Variants in MCCC1 observed in about 807,000 individuals in gnomAD.
MCCC1 encodes methylcrotonyl-CoA carboxylase subunit 1, also known as methylcrotonoyl-CoA carboxylase subunit alpha, mitochondrial.
In MCCC1, 64 loss-of-function variants were observed where a neutral mutation model predicts 83.8. That is an observed-to-expected ratio of 0.76 (90% CI 0.62 to 0.94). The LOEUF is 0.94. Among genes scored for constraint, MCCC1 ranks in the 40% least tolerant of loss-of-function variants. MCCC1 has a pLI of 0.00. For synonymous variants in MCCC1, 322 were observed against 315.4 expected, an observed-to-expected ratio of 1.02 and a Z score of -0.22; for missense variants, 807 against 904.7, an observed-to-expected ratio of 0.89 and a Z score of 1.39.
At position 183,037,364 on chromosome 3, in the gene MCCC1, T is replaced by C. The variant is rs1240463437; in HGVS notation, c.1448A>G (p.Asn483Ser). ...TTGAGGGATGAAATCAGTGTGCACG[T>C]TCCCAGCTTCAAACTCTGGGTGGCC... ...LSGHPEFEAG[N>S]VHTDFIPQHH... The change falls in exon 13 of 19, where the codon AAC becomes AGC. Residue 483 changes from asparagine to serine, a missense_variant. Transcript: ENST00000265594. 8.7e-6 allele frequency: 14 copies of C among 1,613,988 alleles called. No individual in the cohort carries two copies. The highest frequency in any genetic ancestry group is 1.2e-5 in the Non-Finnish European group (14 of 1,180,030).
At chr3:183,067,856 G>A (rs1716367214) in intron 7 of MCCC1, among the ~76,000 whole-genome samples, 1 of 152,160 alleles carries the variant, frequency 6.6e-6, no homozygotes, top group Non-Finnish European at 1.5e-5. Context: ...TACTCTTTGT[G>A]TAGAAATGCA....
intron 7 of MCCC1, among the ~76,000 whole-genome samples, chr3:183,068,097 A>T (rs1001499831): frequency 3.3e-5 from 5 of 152,140 alleles, no homozygotes; most frequent in African/African-American, 1.2e-4. Context: ...AACCCTTAGG[A>T]TTAAGCGTGC....
At position 183,052,181 on chromosome 3, in the gene MCCC1, T is replaced by G; in HGVS notation, c.933A>C (p.Lys311Asn). Residue 311 changes from lysine to asparagine, a missense_variant, in exon 9 of 19, where the codon AAA becomes AAC. By Grantham distance (94) the Lys-to-Asn change is moderately conservative. Coordinates refer to ENST00000265594, the MANE Select transcript of MCCC1 (RefSeq NM_020166.5). The stretch of plus-strand genomic sequence containing the variant: ...TACCTGCTCCAACATAATTTACAGC[T>G]TTAGCAGCTCTGACTGCAGCTTCTC... ...KLGEAAVRAAKAVNYVGAGTV... is the reference protein window; with the variant it reads ...KLGEAAVRAANAVNYVGAGTV... 4 of 1,614,142 alleles carry G rather than the reference T, an allele frequency of 2.5e-6. No individual in the cohort carries two copies. The highest frequency in any genetic ancestry group is 3.4e-6 in the Non-Finnish European group (4 of 1,180,016).
chr3:183,075,980 G>A (rs1717044543), intron 4 of MCCC1, among the ~76,000 whole-genome samples: 1 of 152,120 alleles, frequency 6.6e-6, no homozygotes, highest in Non-Finnish European at 1.5e-5. Flanking sequence ...TATATAAAAT[G>A]GTCAAACATC....
chr3:183,024,020 G>C (rs142973758), intron 15 of MCCC1, among the ~76,000 whole-genome samples: 109 of 152,304 alleles, frequency 7.2e-4, no homozygotes, highest in African/African-American at 2.5e-3. Context: ...GGAGGCCAAG[G>C]TGGGCGGATC....
intron 3 of MCCC1, among the ~76,000 whole-genome samples, chr3:183,087,614 G>A (rs1373613310): frequency 2.6e-5 from 4 of 152,190 alleles, no homozygotes; most frequent in South Asian, 4.2e-4. Context: ...GGTGGCTCAC[G>A]CCTGTAATCC....
intron 13 of MCCC1, among the ~76,000 whole-genome samples, chr3:183,035,713 T>C (rs1160868902): frequency 2.6e-5 from 4 of 152,002 alleles, no homozygotes; most frequent in African/African-American, 9.7e-5. Flanking sequence ...TAATTACCAA[T>C]AAAAGAGAAA....
intron 17 of MCCC1, among the ~76,000 whole-genome samples, chr3:183,018,606 A>T (rs891737589): frequency 6.6e-6 from 1 of 152,162 alleles, no homozygotes; most frequent in South Asian, 2.1e-4. Flanking sequence ...CACCCACAAA[A>T]CCACTTAGTT....
chr3:183,052,752 G>A (rs577042990), intron 8 of MCCC1, among the ~76,000 whole-genome samples: 1 of 139,932 alleles, frequency 7.1e-6, no homozygotes, highest in East Asian at 2.2e-4. Context: ...GGAGCTTGCA[G>A]TGAGCCGAGA....
intron 4 of MCCC1, among the ~76,000 whole-genome samples, chr3:183,074,840 T>C (rs1362687265): frequency 6.6e-6 from 1 of 152,192 alleles, no homozygotes; most frequent in African/African-American, 2.4e-5. Flanking sequence ...CAGTATTCAA[T>C]AGTTATCTTT....
At chr3:183,086,892 C>T in intron 3 of MCCC1, 104 bp from the exon 4 acceptor site, 2 of 1,021,420 alleles carry the variant, frequency 2.0e-6, no homozygotes, top group Non-Finnish European at 1.5e-6. Context: ...AATAAAAATG[C>T]CACTCCCTCA....
intron 2 of MCCC1, among the ~76,000 whole-genome samples, chr3:183,094,238 C>T (rs576852671): frequency 6.6e-6 from 1 of 151,960 alleles, no homozygotes; most frequent in South Asian, 2.1e-4. Flanking sequence ...TTAGTAGACA[C>T]AGGGTTTTGC....
At chr3:183,032,466 A>C (rs1470553975) in intron 14 of MCCC1, among the ~76,000 whole-genome samples, 1 of 152,240 alleles carries the variant, frequency 6.6e-6, no homozygotes, top group African/African-American at 2.4e-5. Flanking sequence ...AGATGTTTAC[A>C]AATTTTCATT....
At chr3:183,088,210 G>GTGTGT (rs1560275597) in intron 3 of MCCC1, among the ~76,000 whole-genome samples, 1 of 139,646 alleles carries the variant, frequency 7.2e-6, no homozygotes, top group African/African-American at 2.7e-5. Context: ...GTTGTTGTGT[G>GTGTGT]TTTTTTTTTT....
intron 15 of MCCC1, chr3:183,022,807 T>C (rs748615772): frequency 3.1e-5 from 11 of 354,282 alleles, no homozygotes; most frequent in Middle Eastern, 7.9e-4. Context: ...CATAATGCTA[T>C]AGATAAAGGT....
At chr3:183,052,082 G>A in intron 9 of MCCC1, 77 bp downstream of exon 9, 1 of 1,362,188 alleles carries the variant, frequency 7.3e-7, no homozygotes. Context: ...TGATTTAAAA[G>A]TTGTGTTTCT....
At chr3:183,057,771 C>T (rs1188179526) in intron 7 of MCCC1, among the ~76,000 whole-genome samples, 2 of 152,172 alleles carry the variant, frequency 1.3e-5, no homozygotes, top group Non-Finnish European at 2.9e-5. Context: ...ACTCAGGAGG[C>T]TGAGGTAGGA....
chr3:183,077,297 C>T (rs1475577844), intron 4 of MCCC1, among the ~76,000 whole-genome samples: 5 of 152,120 alleles, frequency 3.3e-5, no homozygotes, highest in Admixed American at 2.0e-4. Context: ...CTATGTTTAA[C>T]GTTTTGAGAA....
chr3:183,051,683 G>T (rs1237368635), intron 9 of MCCC1, among the ~76,000 whole-genome samples: 2 of 151,840 alleles, frequency 1.3e-5, no homozygotes, highest in Non-Finnish European at 2.9e-5. Context: ...TGATAATGAT[G>T]TGTCAATGTA....
Sources: gnomAD v4.1 joint callset for allele counts (sites outside exome capture counted in the v4.1 genomes callset) on GRCh38, gnomAD v4.1.1 for gene constraint, MANE v1.5 for transcripts, NCBI Gene and HGNC (gene_info 2026-07-23, HGNC 2026-07-21) for gene names.